The following ESR1 variants were observed in gnomAD, a reference collection of about 807,000 sequenced individuals.
The protein encoded by ESR1 is estrogen receptor.
In ESR1, 12 loss-of-function variants were observed where a neutral mutation model predicts 52.7. The observed-to-expected ratio is 0.23, with a 90% CI of 0.15 to 0.37. ESR1 has a LOEUF of 0.37. Ranked by LOEUF, ESR1 falls within the 10% of genes least tolerant of loss-of-function variation. The probability of loss-of-function intolerance (pLI) is 1.00; values close to 1 mark genes in which losing one functional copy is unlikely to be tolerated. For missense variants in ESR1, 584 were observed against 779.7 expected (o/e 0.75, Z 2.99); for synonymous variants, 305 against 316.8 (o/e 0.96, Z 0.39).
Position 151,988,357 on chromosome 6 carries a change from G to C in ESR1, c.1097-23299G>C, listed in dbSNP as rs147915133. Among the ~76,000 whole-genome samples the C allele has an allele frequency of 6.2e-3, 941 of 152,186 alleles. 4 individuals carry two copies. Among genetic ancestry groups the C allele is most frequent in the Non-Finnish European group, 0.01 (681 of 68,014 alleles). Reference sequence around the variant, plus strand: ...CACAGTAGGATTCGTGCTCCTATGAGAATCTAATGCTGCCACTGATCTGAC... The same window carrying C: ...CACAGTAGGATTCGTGCTCCTATGACAATCTAATGCTGCCACTGATCTGAC... On this transcript the variant is annotated intron_variant, in intron 4 of 7. Transcript: ENST00000206249.
intron 3 of ESR1, among the ~76,000 whole-genome samples, chr6:151,881,442 G>A (rs1016206003): frequency 6.6e-6 from 1 of 151,872 alleles, no homozygotes; most frequent in African/African-American, 2.4e-5. Flanking sequence ...TCATGTATCC[G>A]ATCTTCCAGT....
At chr6:151,765,905 G>A (rs956247624) in intron 2 of ESR1, among the ~76,000 whole-genome samples, 1 of 152,176 alleles carries the variant, frequency 6.6e-6, no homozygotes, top group African/African-American at 2.4e-5. Context: ...ATCAAAATGC[G>A]TTGGTTTATG....
chr6:151,884,161 T>G (rs1328990948), intron 3 of ESR1, among the ~76,000 whole-genome samples: 1 of 152,204 alleles, frequency 6.6e-6, no homozygotes, highest in Non-Finnish European at 1.5e-5. Flanking sequence ...ATTCATAAAA[T>G]TATAGCCCGT....
intron 3 of ESR1, among the ~76,000 whole-genome samples, chr6:151,896,331 G>T (rs932917719): frequency 9.9e-5 from 15 of 152,012 alleles, no homozygotes; most frequent in Admixed American, 9.2e-4. Context: ...TTGTGTTGTT[G>T]GTAATTTTTA....
At chr6:151,676,729 CCT>C (rs1291243219) in intron 1 of ESR1, among the ~76,000 whole-genome samples, 3 of 152,264 alleles carry the variant, frequency 2.0e-5, no homozygotes, top group Non-Finnish European at 4.4e-5. Context: ...TTATCTGCAC[CCT>C]GTCTCCATCT....
chr6:151,664,547 GCCAGAAT>G (rs1777752215), intron 1 of ESR1, among the ~76,000 whole-genome samples: 1 of 152,160 alleles, frequency 6.6e-6, no homozygotes, highest in Non-Finnish European at 1.5e-5. Context: ...AGAGTGACCT[GCCAGAAT>G]CCCTACTTTC....
chr6:152,052,907 C>A (rs2046800812), intron 5 of ESR1, among the ~76,000 whole-genome samples: 1 of 152,120 alleles, frequency 6.6e-6, no homozygotes, highest in Admixed American at 6.5e-5. Flanking sequence ...GAACAAGGGC[C>A]AGAAACCCAA....
intron 2 of ESR1, among the ~76,000 whole-genome samples, chr6:151,775,810 G>C (rs1361459602): frequency 6.6e-6 from 1 of 152,054 alleles, no homozygotes; most frequent in Non-Finnish European, 1.5e-5. Flanking sequence ...AGAGCAGTGG[G>C]CAAAGAGAAG....
At chr6:151,866,960 T>C (rs7765056) in intron 2 of ESR1, among the ~76,000 whole-genome samples, 11,071 of 152,100 alleles carry the variant, frequency 0.073, 876 homozygotes, top group East Asian at 0.23. Flanking sequence ...GAAATAATGC[T>C]ACACATGTAC....
intron 1 of ESR1, among the ~76,000 whole-genome samples, chr6:151,664,879 T>G (rs1777767253): frequency 6.6e-6 from 1 of 152,220 alleles, no homozygotes; most frequent in Non-Finnish European, 1.5e-5. Flanking sequence ...GAGGTAGGAA[T>G]GAAAGACTGA....
intron 2 of ESR1, among the ~76,000 whole-genome samples, chr6:151,861,281 A>G (rs567886289): frequency 6.6e-6 from 1 of 152,328 alleles, no homozygotes; most frequent in African/African-American, 2.4e-5. Flanking sequence ...TTAAAAAGCT[A>G]AATTTCATAA....
At chr6:151,809,085 C>T (rs1391837643) in intron 1 of ESR1, 2 of 325,172 alleles carry the variant, frequency 6.2e-6, no homozygotes, top group Non-Finnish European at 1.3e-5. Flanking sequence ...GAGTTTAAAA[C>T]AAGCCATATG....
chr6:151,839,301 C>T (rs1041053807), intron 1 of ESR1, among the ~76,000 whole-genome samples: 2 of 152,102 alleles, frequency 1.3e-5, no homozygotes, highest in African/African-American at 2.4e-5. Context: ...GTATTCCCCT[C>T]GCACTCATTA....
intron 4 of ESR1, among the ~76,000 whole-genome samples, chr6:151,992,026 G>T (rs937508061): frequency 6.6e-6 from 1 of 152,062 alleles, no homozygotes; most frequent in African/African-American, 2.4e-5. Context: ...GTCGGGGAAG[G>T]CTTCTGTATT....
At chr6:151,869,245 G>T (rs557478802) in intron 2 of ESR1, among the ~76,000 whole-genome samples, 1 of 152,310 alleles carries the variant, frequency 6.6e-6, no homozygotes, top group East Asian at 1.9e-4. Flanking sequence ...TGGGAGGAAA[G>T]CTTGGATAAT....
chr6:151,947,905 A>T (rs967882040), intron 4 of ESR1, among the ~76,000 whole-genome samples: 1 of 152,166 alleles, frequency 6.6e-6, no homozygotes, highest in African/African-American at 2.4e-5. Flanking sequence ...CTACTTTTTG[A>T]TATTTATCTA....
chr6:151,910,914 G>A (rs548042979), intron 3 of ESR1, among the ~76,000 whole-genome samples: 36 of 152,262 alleles, frequency 2.4e-4, no homozygotes, highest in African/African-American at 7.7e-4. Flanking sequence ...CAGCGGGGAT[G>A]GTTTCAGGAT....
At chr6:151,686,064 A>ATTTTTTTTTTTTTTTTTTTTTTTTTTTTT (rs557270210), upstream of ESR1, among the ~76,000 whole-genome samples, 11 of 114,332 alleles carry the variant, frequency 9.6e-5, 1 homozygote, top group African/African-American at 3.8e-4. Context: ...AATTAAAACA[A>ATTTTTTTTTTTTTTTTTTTTTTTTTTTTT]TTTTTTTTTT....
chr6:151,960,528 G>T (rs1444316383), intron 4 of ESR1, among the ~76,000 whole-genome samples: 1 of 152,198 alleles, frequency 6.6e-6, no homozygotes, highest in Non-Finnish European at 1.5e-5. Context: ...CTGACAGCAA[G>T]AGCAGTTCTG....
Sources: allele counts gnomAD v4.1 joint callset (sites outside exome capture counted in the v4.1 genomes callset), GRCh38; gene constraint gnomAD v4.1.1; transcripts MANE v1.5; gene names NCBI Gene and HGNC (gene_info 2026-07-23, HGNC 2026-07-21).